The following ADCK2 variants were observed in gnomAD, a reference collection of about 807,000 sequenced individuals.
ADCK2 encodes the protein uncharacterized aarF domain-containing protein kinase 2.
A neutral mutation model predicts 52.3 loss-of-function variants in ADCK2; 37 were observed. The ratio of observed to expected loss-of-function variants is 0.71; its 90% CI spans 0.54 to 0.93. The LOEUF is 0.93. Among genes scored for constraint, ADCK2 ranks in the 40% least tolerant of loss-of-function variants. ADCK2 has a pLI of 0.00. For synonymous variants in ADCK2, 321 were observed against 349.2 expected, an observed-to-expected ratio of 0.92 and a Z score of 0.90; for missense variants, 695 against 798.7, an observed-to-expected ratio of 0.87 and a Z score of 1.56.
At position 140,684,578 on chromosome 7, in the gene ADCK2, C is replaced by G. The variant is rs954391219; in HGVS notation, c.1306-2412C>G. On this transcript the variant is annotated intron_variant, in intron 4 of 7. Coordinates refer to ENST00000072869, the MANE Select transcript of ADCK2 (RefSeq NM_052853.4). ...GCGAAGAATCATGGTAGGGAGGACCCAGGCATGTGGTGAGAGCCGGAGAAT... is the reference window on the plus strand; with the variant it reads ...GCGAAGAATCATGGTAGGGAGGACCGAGGCATGTGGTGAGAGCCGGAGAAT... Among the ~76,000 whole-genome samples, 4 of 152,132 alleles carry G rather than the reference C, an allele frequency of 2.6e-5. No individual in the cohort carries two copies. The East Asian group carries it at 7.7e-4, about 29-fold the overall frequency.
rs750990879 is a variant in ADCK2, at chr7:140,674,021, A to G, written c.691A>G (p.Arg231Gly). The G allele has an allele frequency of 3.1e-6, 5 of 1,614,074 alleles. No homozygotes were observed. The East Asian group carries it at 8.9e-5, about 29-fold the overall frequency. ...CTTCCTGGAGACTGACAGCGTCCAGAGACTTGGCAGGGCCTCCTGTCTGCC... is the reference window on the plus strand; with the variant it reads ...CTTCCTGGAGACTGACAGCGTCCAGGGACTTGGCAGGGCCTCCTGTCTGCC... The part of the protein sequence containing the change: ...TAFLETDSVQ[R>G]LGRASCLPPF... Residue 231 changes from arginine to glycine, a missense_variant, in exon 1 of 8, where the codon AGA becomes GGA. Coordinates refer to ENST00000072869, the MANE Select transcript of ADCK2 (RefSeq NM_052853.4). The surrounding 1 kb of genome is among the most constrained non-coding windows in gnomAD (Gnocchi z 4.6).
At position 140,689,870 on chromosome 7, in the gene ADCK2, G is replaced by A. The variant is rs541225862; in HGVS notation, c.1686+145G>A. 38 of 1,138,518 alleles carry A rather than the reference G, an allele frequency of 3.3e-5. No homozygotes were observed. The South Asian group carries it at 5.8e-4, about 17-fold the overall frequency. The allele number at this position is 1,138,518 out of a possible 1,614,324, so 70.5% of individuals were successfully genotyped here. On this transcript the variant is annotated intron_variant, in intron 6 of 7. Transcript: ENST00000072869. ...ACCACCCCACATCTTCCAGGCATGAGGAGCCCCAGTGAAGTCCGTTGTGCT... is the reference window on the plus strand; with the variant it reads ...ACCACCCCACATCTTCCAGGCATGAAGAGCCCCAGTGAAGTCCGTTGTGCT...
intron 2 of ADCK2, among the ~76,000 whole-genome samples, chr7:140,677,167 G>A (rs894706461): frequency 6.6e-6 from 1 of 152,216 alleles, no homozygotes; most frequent in African/African-American, 2.4e-5. Context: ...TAGCACTTTG[G>A]GAGGCGGCGT....
intron 4 of ADCK2, among the ~76,000 whole-genome samples, chr7:140,682,304 G>A (rs1794530015): frequency 6.6e-6 from 1 of 152,202 alleles, no homozygotes; most frequent in South Asian, 2.1e-4. Context: ...GCAGTGTGAA[G>A]GTCTAGGTGT....
intron 2 of ADCK2, among the ~76,000 whole-genome samples, chr7:140,675,240 A>C (rs1273100398): frequency 6.6e-6 from 1 of 152,206 alleles, no homozygotes; most frequent in Non-Finnish European, 1.5e-5. Context: ...ACTCCATCTC[A>C]AAAGAAAAAT....
chr7:140,690,721 G>C (rs770135576), intron 6 of ADCK2, 39 bp from the exon 7 acceptor site: 2 of 1,605,000 alleles, frequency 1.2e-6, no homozygotes, highest in African/African-American at 1.3e-5. Flanking sequence ...GTTCTGGAAG[G>C]CTCGGTGGTC....
chr7:140,684,316 A>T (rs1794568683), intron 4 of ADCK2, among the ~76,000 whole-genome samples: 1 of 152,174 alleles, frequency 6.6e-6, no homozygotes, highest in Non-Finnish European at 1.5e-5. Flanking sequence ...TGATGGTTAA[A>T]GGAGTGGAAA....
At chr7:140,694,411 T>C (rs553795637) in intron 7 of ADCK2, among the ~76,000 whole-genome samples, 1 of 152,358 alleles carries the variant, frequency 6.6e-6, no homozygotes, top group East Asian at 1.9e-4. Flanking sequence ...CATACACACA[T>C]GGACACAAAC....
chr7:140,684,703 G>A (rs1481097999), intron 4 of ADCK2, among the ~76,000 whole-genome samples: 4 of 151,956 alleles, frequency 2.6e-5, no homozygotes, highest in African/African-American at 7.3e-5. Context: ...CTGACAGCAC[G>A]CACGCACATG....
At chr7:140,686,373 C>T (rs2130788099) in intron 4 of ADCK2, among the ~76,000 whole-genome samples, 1 of 152,248 alleles carries the variant, frequency 6.6e-6, no homozygotes, top group Non-Finnish European at 1.5e-5. Context: ...CTCTGCCTCC[C>T]AGGTTCAAGC....
At chr7:140,691,736 ATTACT>A (rs1311689021) in intron 7 of ADCK2, among the ~76,000 whole-genome samples, 4 of 152,214 alleles carry the variant, frequency 2.6e-5, no homozygotes, top group African/African-American at 9.7e-5. Flanking sequence ...TTTCCATTGC[ATTACT>A]TAACTATATG....
intron 4 of ADCK2, among the ~76,000 whole-genome samples, chr7:140,681,412 G>T (rs1393503942): frequency 2.6e-5 from 4 of 152,002 alleles, no homozygotes; most frequent in Non-Finnish European, 4.4e-5. Flanking sequence ...CTGCCTCCTG[G>T]GTTCACGCCA....
rs568257091 is a variant in ADCK2 at position 140,673,982 on chromosome 7, T to C, written c.652T>C (p.Tyr218His). Residue 218 changes from tyrosine (Y) to histidine (H), a missense_variant, in exon 1 of 8, where the codon TAC becomes CAC. Transcript: ENST00000072869. The surrounding 1 kb of genome is among the most constrained non-coding windows in gnomAD (Gnocchi z 6.4). ...SGCVAQVYKA[Y>H]ANTAFLETDS... ...CTGCGTGGCCCAGGTGTACAAAGCA[T>C]ACGCCAACACTGCCTTCCTGGAGAC... is the stretch of plus-strand genomic sequence containing the variant. 90 of 1,614,068 alleles carry C rather than the reference T, an allele frequency of 5.6e-5. 1 individual carries two copies. The South Asian group carries it at 8.7e-4, about 16-fold the overall frequency.
At position 140,673,509 on chromosome 7, in the gene ADCK2, G is replaced by A. The variant is rs1306730304; in HGVS notation, c.179G>A (p.Gly60Glu). The stretch of plus-strand genomic sequence containing the variant: ...TCCCTGTGCGGGGACGTGGGTGAGG[G>A]GGCCCCTGACGTTCTGAGTCGGCGA... ...VVSLCGDVGE[G>E]APDVLSRRRV... Residue 60 changes from glycine to glutamate, a missense_variant, in exon 1 of 8, where the codon GGG (glycine) becomes GAG (glutamate). By Grantham distance (98) the Gly-to-Glu change is moderately conservative. Coordinates refer to ENST00000072869, the MANE Select transcript of ADCK2 (RefSeq NM_052853.4). This position sits in a 1 kb window ranked among gnomAD's most constrained non-coding sequence, Gnocchi z 6.4. The A allele has an allele frequency of 6.2e-7, 1 of 1,601,792 alleles. No homozygotes were observed. Among genetic ancestry groups the A allele is most frequent in the Non-Finnish European group, 8.5e-7 (1 of 1,176,470 alleles).
rs1794734894 is a variant in ADCK2, at chr7:140,693,059, A to G, written c.1741-1604A>G. On this transcript the variant is annotated intron_variant, in intron 7 of 7. Transcript: ENST00000072869. The surrounding 1 kb of genome is among the most constrained non-coding windows in gnomAD (Gnocchi z 4.0). ...GATGTCTCATTGTGGTTTTGATTGC[A>G]TTTCTCTACTGATTCATGATGTTGA... 6.6e-6 allele frequency among the ~76,000 whole-genome samples: 1 copy of G among 152,146 alleles called. No homozygotes were observed. Among genetic ancestry groups the G allele is most frequent in the African/African-American group, 2.4e-5 (1 of 41,426 alleles).
rs143903675 is a variant in ADCK2 at position 140,681,083 on chromosome 7, C to T, written c.1251C>T (p.Pro417=). 2.0e-3 allele frequency: 3,222 copies of T among 1,614,070 alleles called. 3 individuals carry two copies. Among genetic ancestry groups the T allele is most frequent in the Admixed American group, 2.2e-3 (131 of 60,000 alleles). ...CCAGTTACCAGCAGGCAGGAATTCC[C>T]GTGGACTTGAAAAGGAAGATTGCAC... ...PVSSYQQAGI[P]VDLKRKIARL... Residue 417 remains proline (P), a synonymous_variant, in exon 4 of 8, where the codon CCC becomes CCT. Transcript: ENST00000072869.
At position 140,681,069 on chromosome 7, in the gene ADCK2, C is replaced by A; in HGVS notation, c.1237C>A (p.Gln413Lys). 1.2e-6 allele frequency: 2 copies of A among 1,614,180 alleles called. No homozygotes were observed. The highest frequency in any genetic ancestry group is 1.7e-6 in the Non-Finnish European group (2 of 1,180,030). The stretch of plus-strand genomic sequence containing the variant: ...GAGTGTGCCTGTGTCCAGTTACCAG[C>A]AGGCAGGAATTCCCGTGGACTTGAA... ...EESVPVSSYQ[Q>K]AGIPVDLKRK... The change falls in exon 4 of 8, where the codon CAG becomes AAG. Residue 413 changes from glutamine to lysine, a missense_variant. Transcript: ENST00000072869.
rs201925626 is a variant in ADCK2, at chr7:140,674,176, C to A, written c.846C>A (p.Asp282Glu). ...FLERLLLPKA[D>E]LVGSNAGVSR... ...AAAGGCTGCTCCTCCCTAAAGCTGA[C>A]CTGGTTGGATCAAATGCAGGGGTGT... Residue 282 changes from aspartate (D) to glutamate (E), a missense_variant, in exon 1 of 8, where the codon GAC becomes GAA. Physicochemically the swap from Asp to Glu is conservative, Grantham distance 45. Coordinates refer to ENST00000072869, the MANE Select transcript of ADCK2 (RefSeq NM_052853.4). This position sits in a 1 kb window ranked among gnomAD's most constrained non-coding sequence, Gnocchi z 4.6. 3.1e-6 allele frequency: 5 copies of A among 1,614,004 alleles called. No homozygotes were observed. The African/African-American group carries it at 5.3e-5, about 17-fold the overall frequency.
intron 4 of ADCK2, among the ~76,000 whole-genome samples, chr7:140,681,778 C>A (rs1420161959): frequency 2.0e-5 from 3 of 152,108 alleles, no homozygotes; most frequent in African/African-American, 7.2e-5. Context: ...ACATGAGCCA[C>A]CAAGCCTGGC....
Sources: allele counts gnomAD v4.1 joint callset (sites outside exome capture counted in the v4.1 genomes callset), GRCh38; gene constraint gnomAD v4.1.1; non-coding constraint Gnocchi (gnomAD v3.1); transcripts MANE v1.5; gene names NCBI Gene and HGNC (gene_info 2026-07-23, HGNC 2026-07-21).